GAD2: variants seen among roughly 807,000 people sequenced by gnomAD.
GAD2 encodes the protein 65 kDa glutamic acid decarboxylase.
A neutral mutation model predicts 80.1 loss-of-function variants in GAD2; 22 were observed. The ratio of observed to expected loss-of-function variants is 0.27; its 90% CI spans 0.20 to 0.39. The LOEUF (loss-of-function observed/expected upper bound fraction) is 0.39. Ranked by LOEUF, GAD2 falls within the 10% of genes least tolerant of loss-of-function variation. GAD2 has a pLI of 1.00. For missense variants in GAD2, 624 were observed against 738.4 expected (o/e 0.85, Z 1.80); for synonymous variants, 274 against 256.9 (o/e 1.07, Z -0.64).
rs114208692 is a variant in GAD2, at chr10:26,249,219, G to A, written c.920+3219G>A. On this transcript the variant is annotated intron_variant, in intron 8 of 15. Transcript: ENST00000376261. ...CTGGGACTACAGGCACTCGCAACAC[G>A]CCTGGCTAGTTTTTGTATTTTTAGT... is the stretch of plus-strand genomic sequence containing the variant. 4.0e-3 allele frequency among the ~76,000 whole-genome samples: 614 copies of A among 152,102 alleles called. 2 individuals carry two copies. The highest frequency in any genetic ancestry group is 0.014 in the African/African-American group (596 of 41,482).
At chr10:26,289,427 G>A (rs1834189061) in intron 13 of GAD2, among the ~76,000 whole-genome samples, 1 of 152,118 alleles carries the variant, frequency 6.6e-6, no homozygotes. Context: ...AATAGCCTAA[G>A]TATAAATTAT....
Position 26,303,819 on chromosome 10 carries a change from C to T in GAD2, c.*2858C>T, listed in dbSNP as rs1386712028. The stretch of plus-strand genomic sequence containing the variant: ...TATCTGGATAATACTGTCTTGTCAC[C>T]TCAGATTGGGGTTGTGCACTTTAGA... On this transcript the variant is annotated 3_prime_UTR_variant, in exon 16 of 16. Transcript: ENST00000376261. 1 of 152,192 alleles carries T rather than the reference C, an allele frequency of 6.6e-6. No homozygotes were observed. The highest frequency in any genetic ancestry group is 2.4e-5 in the African/African-American group (1 of 41,426). The allele number at this position is 152,192 out of a possible 1,614,324, so 9.4% of individuals were successfully genotyped here. A position where few individuals can be genotyped will look rare whatever the true frequency, so the allele number is the denominator to read the frequency against.
intron 7 of GAD2, among the ~76,000 whole-genome samples, chr10:26,240,270 G>T (rs1481347687): frequency 6.6e-6 from 1 of 152,160 alleles, no homozygotes; most frequent in Non-Finnish European, 1.5e-5. Flanking sequence ...AGGGATGGGC[G>T]CTGCCCTCTC....
intron 7 of GAD2, among the ~76,000 whole-genome samples, chr10:26,232,879 CTCTA>C (rs1159962841): frequency 1.3e-5 from 2 of 152,314 alleles, no homozygotes; most frequent in East Asian, 3.9e-4. Context: ...CTTCTTGTGT[CTCTA>C]TCTATGCATA....
At chr10:26,243,966 T>C (rs1288348273) in intron 7 of GAD2, among the ~76,000 whole-genome samples, 2 of 152,260 alleles carry the variant, frequency 1.3e-5, no homozygotes, top group South Asian at 2.1e-4. Context: ...TGTCAGGTTA[T>C]TGGATCCATT....
At chr10:26,230,072 G>A (rs1844580109) in intron 7 of GAD2, among the ~76,000 whole-genome samples, 1 of 152,146 alleles carries the variant, frequency 6.6e-6, no homozygotes, top group East Asian at 1.9e-4. Flanking sequence ...GGACGCTGAG[G>A]TAGCAGAATT....
At chr10:26,251,836 A>G (rs966039394) in intron 8 of GAD2, among the ~76,000 whole-genome samples, 1 of 152,214 alleles carries the variant, frequency 6.6e-6, no homozygotes, top group African/African-American at 2.4e-5. Context: ...AATTCACATC[A>G]TCTGTGTGAC....
chr10:26,246,387 C>T (rs923676666), intron 8 of GAD2, among the ~76,000 whole-genome samples: 2 of 152,040 alleles, frequency 1.3e-5, no homozygotes, highest in South Asian at 2.1e-4. Flanking sequence ...CAGGAGGGGA[C>T]GTAGTATAGG....
intron 12 of GAD2, 108 bp downstream of exon 12, chr10:26,281,195 C>G: frequency 1.4e-6 from 1 of 735,740 alleles, no homozygotes; most frequent in East Asian, 2.7e-5. Flanking sequence ...CTCTATGGTC[C>G]TACTCACATT....
intron 7 of GAD2, among the ~76,000 whole-genome samples, chr10:26,238,361 T>A (rs1844700984): frequency 6.6e-6 from 1 of 152,146 alleles, no homozygotes; most frequent in Admixed American, 6.5e-5. Context: ...ATCACCTCTT[T>A]CCATTACACA....
At chr10:26,230,995 C>A (rs113624787) in intron 7 of GAD2, among the ~76,000 whole-genome samples, 245 of 152,192 alleles carry the variant, frequency 1.6e-3, no homozygotes, top group African/African-American at 5.6e-3. Context: ...GAGGCTGAGG[C>A]AGGAGAATCA....
intron 15 of GAD2, among the ~76,000 whole-genome samples, chr10:26,295,366 T>G (rs1834261720): frequency 6.6e-6 from 1 of 152,190 alleles, no homozygotes; most frequent in South Asian, 2.1e-4. Context: ...GATTTGGAAA[T>G]GAAAATAGAA....
At chr10:26,285,102 CT>C (rs1564671271) in intron 12 of GAD2, among the ~76,000 whole-genome samples, 2 of 152,226 alleles carry the variant, frequency 1.3e-5, no homozygotes, top group African/African-American at 4.8e-5. Flanking sequence ...AGTGAATTTT[CT>C]TTTTTGAGTT....
chr10:26,236,324 G>A (rs1844671577), intron 7 of GAD2, among the ~76,000 whole-genome samples: 1 of 148,242 alleles, frequency 6.7e-6, no homozygotes. Flanking sequence ...TTTTGAGATG[G>A]AGTCTCACTC....
chr10:26,240,586 G>C (rs185919735), intron 7 of GAD2, among the ~76,000 whole-genome samples: 3 of 151,936 alleles, frequency 2.0e-5, no homozygotes, highest in Non-Finnish European at 4.4e-5. Flanking sequence ...ATGAAAATTA[G>C]CCAGGCATGG....
rs1046754791 is a variant in GAD2, at chr10:26,240,756, G to A, written c.841-5165G>A. Reference sequence around the variant, plus strand: ...CAAAAAAAAAAAAAAATGTGGATGGGTGCAGTGGCTCACACCTGTAATCCC... The same window carrying A: ...CAAAAAAAAAAAAAAATGTGGATGGATGCAGTGGCTCACACCTGTAATCCC... On this transcript the variant is annotated intron_variant, in intron 7 of 15. Coordinates refer to ENST00000376261, the MANE Select transcript of GAD2 (RefSeq NM_001134366.2). Among the ~76,000 whole-genome samples the A allele has an allele frequency of 2.0e-5, 3 of 150,522 alleles. No individual in the cohort carries two copies. In the East Asian group the frequency reaches 5.9e-4, roughly 30 times the overall value.
Position 26,224,565 on chromosome 10 carries a change from T to C in GAD2, c.638T>C (p.Phe213Ser). 1.2e-6 allele frequency: 2 copies of C among 1,613,800 alleles called. No individual in the cohort carries two copies. Among genetic ancestry groups the C allele is most frequent in the Non-Finnish European group, 8.5e-7 (1 of 1,179,650 alleles). The change falls in exon 6 of 16, where the codon TTT becomes TCT. Residue 213 changes from phenylalanine (F) to serine (S), a missense_variant. Coordinates refer to ENST00000376261, the MANE Select transcript of GAD2 (RefSeq NM_001134366.2). The stretch of plus-strand genomic sequence containing the variant: ...TTCACCTATGAAATTGCTCCAGTAT[T>C]TGTGCTTTTGGAATATGTCACACTA... ...NMFTYEIAPV[F>S]VLLEYVTLKK...
At chr10:26,242,135 G>A (rs8190652) in intron 7 of GAD2, among the ~76,000 whole-genome samples, 1,636 of 148,930 alleles carry the variant, frequency 0.011, 12 homozygotes, top group Middle Eastern at 0.028. Context: ...ACAGGCACCC[G>A]CCACCATGCC....
At chr10:26,216,645 G>A (rs1260473917), upstream of GAD2, 1 of 491,678 alleles carries the variant, frequency 2.0e-6, no homozygotes, top group African/African-American at 2.1e-5. The surrounding 1 kb of genome is among the most constrained non-coding windows in gnomAD (Gnocchi z 4.7). Flanking sequence ...AGACACGCAC[G>A]TTTTCTGTTC....
Sources: gnomAD v4.1 joint callset for allele counts (sites outside exome capture counted in the v4.1 genomes callset) on GRCh38, gnomAD v4.1.1 for gene constraint, Gnocchi (gnomAD v3.1) non-coding constraint, MANE v1.5 for transcripts, NCBI Gene and HGNC (gene_info 2026-07-23, HGNC 2026-07-21) for gene names.